Variants in FBXL17 observed in about 807,000 individuals in gnomAD.
FBXL17 encodes F-box and leucine rich repeat protein 17, also known as F-box/LRR-repeat protein 17.
A neutral mutation model predicts 66.2 loss-of-function variants in FBXL17; 22 were observed. The observed-to-expected ratio is 0.33, with a 90% CI of 0.24 to 0.47. The LOEUF is 0.47. FBXL17 is among the 20% of genes least tolerant of loss of function. The probability of loss-of-function intolerance (pLI) is 1.00; values close to 1 mark genes in which losing one functional copy is unlikely to be tolerated. For missense variants in FBXL17, 878 were observed against 948.2 expected (o/e 0.93, Z 0.97); for synonymous variants, 474 against 400.5 (o/e 1.18, Z -2.19).
At chr5:108,113,023 A>ATT (rs1750100268) in intron 6 of FBXL17, among the ~76,000 whole-genome samples, 3 of 152,198 alleles carry the variant, frequency 2.0e-5, no homozygotes, top group Non-Finnish European at 4.4e-5. Flanking sequence ...ACAGACAGAA[A>ATT]GTCATACTCC....
chr5:108,103,129 G>A (rs911924213), intron 6 of FBXL17, among the ~76,000 whole-genome samples: 2 of 152,202 alleles, frequency 1.3e-5, no homozygotes, highest in East Asian at 3.8e-4. Context: ...TTTATTTTAT[G>A]TGAGCCAGTT....
chr5:108,345,267 G>A (rs1455870228), intron 4 of FBXL17, among the ~76,000 whole-genome samples: 2 of 151,742 alleles, frequency 1.3e-5, no homozygotes, highest in Non-Finnish European at 1.5e-5. Flanking sequence ...AACCTGGGAA[G>A]AGGAAGTTGC....
intron 4 of FBXL17, among the ~76,000 whole-genome samples, chr5:108,329,443 A>G (rs931779500): frequency 1.3e-5 from 2 of 152,170 alleles, no homozygotes; most frequent in African/African-American, 4.8e-5. Flanking sequence ...GGGAATACTT[A>G]ACTGCAGGTT....
At chr5:108,127,530 G>C (rs909568511) in intron 6 of FBXL17, among the ~76,000 whole-genome samples, 1 of 152,142 alleles carries the variant, frequency 6.6e-6, no homozygotes, top group Non-Finnish European at 1.5e-5. Context: ...CATAATGGTT[G>C]TTCTCTTGGG....
chr5:108,380,705 C>T lies in FBXL17; in HGVS notation c.987G>A (p.Leu329=), dbSNP rs1749788232. The T allele has an allele frequency of 8.0e-7, 1 of 1,249,412 alleles. No homozygotes were observed. The highest frequency in any genetic ancestry group is 1.0e-6 in the Non-Finnish European group (1 of 989,162). The allele number at this position is 1,249,412 out of a possible 1,614,324, so 77.4% of individuals were successfully genotyped here. The change falls in exon 1 of 9, where the codon CTG becomes CTA. Residue 329 remains leucine (L), a synonymous_variant. Coordinates refer to ENST00000542267, the MANE Select transcript of FBXL17 (RefSeq NM_001163315.3). The stretch of plus-strand genomic sequence containing the variant: ...GCCTCTCGCCCAGACCCACCTTGAG[C>T]AGGATGGACGGCGGCAGCTGGTTGA... ...PDINQLPPSI[L]LKIFSNLSLD... is the part of the protein sequence containing the mutation.
At chr5:108,013,681 C>T (rs974992593) in intron 7 of FBXL17, among the ~76,000 whole-genome samples, 1 of 151,040 alleles carries the variant, frequency 6.6e-6, no homozygotes, top group Non-Finnish European at 1.5e-5. Flanking sequence ...AGCATGCACA[C>T]ACAGAGTAAA....
chr5:108,201,553 A>G (rs1753895541), intron 5 of FBXL17, among the ~76,000 whole-genome samples: 1 of 152,138 alleles, frequency 6.6e-6, no homozygotes, highest in African/African-American at 2.4e-5. Context: ...TTTAAAATAA[A>G]TTGGATTATA....
chr5:108,282,934 C>T (rs1477693754), intron 4 of FBXL17, among the ~76,000 whole-genome samples: 1 of 149,244 alleles, frequency 6.7e-6, no homozygotes, highest in African/African-American at 2.4e-5. Flanking sequence ...AACCTAGGAA[C>T]ATTTAACTTA....
intron 7 of FBXL17, among the ~76,000 whole-genome samples, chr5:107,967,002 A>G (rs551210152): frequency 6.6e-6 from 1 of 152,064 alleles, no homozygotes; most frequent in Non-Finnish European, 1.5e-5. Flanking sequence ...AGATGGGACA[A>G]CTCTTGCCTG....
intron 5 of FBXL17, among the ~76,000 whole-genome samples, chr5:108,210,831 T>C (rs888397251): frequency 2.0e-5 from 3 of 152,224 alleles, no homozygotes; most frequent in Non-Finnish European, 2.9e-5. Context: ...TTAGGTCCTC[T>C]TGGTCCAGAG....
intron 6 of FBXL17, among the ~76,000 whole-genome samples, chr5:108,170,250 A>T (rs1367955395): frequency 1.3e-5 from 2 of 152,190 alleles, no homozygotes; most frequent in African/African-American, 4.8e-5. Flanking sequence ...TCAAAATACC[A>T]TAATAAATCA....
chr5:108,176,293 C>T (rs1394661386), intron 6 of FBXL17, among the ~76,000 whole-genome samples: 2 of 152,090 alleles, frequency 1.3e-5, no homozygotes, highest in Non-Finnish European at 2.9e-5. Flanking sequence ...TTAAATACTG[C>T]AAGCTAAATG....
chr5:108,381,025 CGCCGCCGCA>C lies in FBXL17; in HGVS notation c.658_666del (p.Cys220_Gly222del). 1 of 1,190,892 alleles carries C rather than the reference CGCCGCCGCA, an allele frequency of 8.4e-7. No homozygotes were observed. Among genetic ancestry groups the C allele is most frequent in the Non-Finnish European group, 1.0e-6 (1 of 962,118 alleles). The allele number at this position is 1,190,892 out of a possible 1,614,324, so 73.8% of individuals were successfully genotyped here. A position where few individuals can be genotyped will look rare whatever the true frequency, so the allele number is the denominator to read the frequency against. On this transcript the variant is annotated inframe_deletion, in exon 1 of 9. Transcript: ENST00000542267. ...CCTCCCCCGCCACCGCCGCCGCCGCCGCCGCCGCAGCCCCCGCCGCCGCAGCGGGGCTGC... is the reference window on the plus strand; with the variant it reads ...CCTCCCCCGCCACCGCCGCCGCCGCCGCCCCCGCCGCCGCAGCGGGGCTGC...
intron 7 of FBXL17, among the ~76,000 whole-genome samples, chr5:107,890,300 A>G (rs966165945): frequency 4.7e-4 from 72 of 151,822 alleles, no homozygotes; most frequent in African/African-American, 1.5e-3. Context: ...AACTCCCTAA[A>G]CTGAGTTTTT....
At chr5:108,091,957 G>A (rs912159796) in intron 6 of FBXL17, among the ~76,000 whole-genome samples, 10 of 152,168 alleles carry the variant, frequency 6.6e-5, no homozygotes, top group Non-Finnish European at 1.2e-4. Context: ...ATAACAGCAT[G>A]TTTTCTTTGT....
chr5:108,150,733 G>A (rs1751738883), intron 6 of FBXL17, among the ~76,000 whole-genome samples: 1 of 152,158 alleles, frequency 6.6e-6, no homozygotes, highest in African/African-American at 2.4e-5. Flanking sequence ...ACTGTAAGAG[G>A]TGCTGTACTT....
At chr5:108,292,210 C>T (rs1358689433) in intron 4 of FBXL17, among the ~76,000 whole-genome samples, 5 of 151,976 alleles carry the variant, frequency 3.3e-5, no homozygotes, top group Non-Finnish European at 7.4e-5. Context: ...CAAGCTCCAC[C>T]TCCCAGGTTC....
chr5:107,988,453 GAT>G (rs1753105447), intron 7 of FBXL17, among the ~76,000 whole-genome samples: 2 of 151,992 alleles, frequency 1.3e-5, no homozygotes, highest in South Asian at 4.2e-4. Flanking sequence ...CTGAAAATTT[GAT>G]ATGAGTTGAA....
chr5:108,058,006 C>G (rs540858859), intron 6 of FBXL17, among the ~76,000 whole-genome samples: 33 of 152,134 alleles, frequency 2.2e-4, no homozygotes, highest in Non-Finnish European at 4.3e-4. Flanking sequence ...CAACAATATT[C>G]TATGTTGTGC....
Sources: gnomAD v4.1 joint callset for allele counts (sites outside exome capture counted in the v4.1 genomes callset) on GRCh38, gnomAD v4.1.1 for gene constraint, MANE v1.5 for transcripts, NCBI Gene and HGNC (gene_info 2026-07-23, HGNC 2026-07-21) for gene names.